PIKFYVE: variants seen among roughly 807,000 people sequenced by gnomAD.
PIKFYVE encodes phosphoinositide kinase, FYVE-type zinc finger containing, also known as 1-phosphatidylinositol 3-phosphate 5-kinase.
Under a neutral mutation model 257.9 loss-of-function variants are expected in PIKFYVE, and 122 were observed. The ratio of observed to expected loss-of-function variants is 0.47; its 90% CI spans 0.41 to 0.55. The LOEUF (loss-of-function observed/expected upper bound fraction) is 0.55. PIKFYVE is among the 20% of genes least tolerant of loss of function. The pLI is 0.00. For synonymous variants in PIKFYVE, 892 were observed against 868.9 expected (o/e 1.03, Z -0.47); for missense variants, 2,160 against 2,536.6 (o/e 0.85, Z 3.19).
In PIKFYVE at chr2:208,325,428, C is replaced by T; in HGVS notation, c.2617C>T (p.Leu873Phe). 1 of 1,614,162 alleles carries T rather than the reference C, an allele frequency of 6.2e-7. No homozygotes were observed. The highest frequency in any genetic ancestry group is 8.5e-7 in the Non-Finnish European group (1 of 1,180,028). ...TCATTCTCAACTAGAAATATCCTTTCTCATGGATGAATTTGCTATGCCTCC... is the reference window on the plus strand; with the variant it reads ...TCATTCTCAACTAGAAATATCCTTTTTCATGGATGAATTTGCTATGCCTCC... ...AYHSQLEISF[L>F]MDEFAMPPTL... Residue 873 changes from leucine to phenylalanine, a missense_variant, in exon 20 of 42, where the codon CTC (leucine) becomes TTC (phenylalanine). Leu to Phe is a conservative substitution (Grantham distance 22). Around this residue, in one of 12 missense-constraint regions of PIKFYVE, gnomAD observed 522 missense variants for 514.6 expected, o/e 1.01. Coordinates refer to ENST00000264380, the MANE Select transcript of PIKFYVE (RefSeq NM_015040.4).
At chr2:208,332,836 T>C (rs937983682) in intron 23 of PIKFYVE, among the ~76,000 whole-genome samples, 1 of 152,102 alleles carries the variant, frequency 6.6e-6, no homozygotes, top group Admixed American at 6.5e-5. Flanking sequence ...GGTGGATTTA[T>C]TGGTAATGCT....
At chr2:208,282,447 G>A (rs1170561700) in intron 5 of PIKFYVE, among the ~76,000 whole-genome samples, 1 of 152,214 alleles carries the variant, frequency 6.6e-6, no homozygotes, top group Non-Finnish European at 1.5e-5. Context: ...TTAACAATTG[G>A]TCAAGTTATT....
chr2:208,333,581 A>C, intron 24 of PIKFYVE, 88 bp downstream of exon 24: 1 of 1,409,880 alleles, frequency 7.1e-7, no homozygotes, highest in South Asian at 1.2e-5. Flanking sequence ...ACTAGATTGA[A>C]TTAATTTGTG....
intron 5 of PIKFYVE, among the ~76,000 whole-genome samples, chr2:208,285,486 T>C (rs955465169): frequency 1.3e-5 from 2 of 152,268 alleles, no homozygotes; most frequent in African/African-American, 4.8e-5. Flanking sequence ...TTTTTTTCTT[T>C]TAACTTCTAA....
intron 7 of PIKFYVE, among the ~76,000 whole-genome samples, chr2:208,295,555 A>C (rs1692858777): frequency 5.3e-5 from 8 of 152,162 alleles, no homozygotes; most frequent in Admixed American, 5.2e-4. Context: ...CCAGTTGTTT[A>C]GTAAAATGCC....
chr2:208,305,539 C>T (rs1694220996), intron 12 of PIKFYVE: 3 of 811,032 alleles, frequency 3.7e-6, no homozygotes, highest in Non-Finnish European at 4.5e-6. Flanking sequence ...AATTTCTTCT[C>T]TAATGTAAAA....
chr2:208,318,078 T>A, intron 16 of PIKFYVE, 137 bp downstream of exon 16: 1 of 923,074 alleles, frequency 1.1e-6, no homozygotes, highest in Middle Eastern at 2.1e-4. Flanking sequence ...GGGGTGAAAT[T>A]TGGTTGGTTC....
At chr2:208,352,045 A>G (rs1203781812) in intron 38 of PIKFYVE, among the ~76,000 whole-genome samples, 2 of 152,138 alleles carry the variant, frequency 1.3e-5, no homozygotes, top group African/African-American at 4.8e-5. Flanking sequence ...ATCTTAAACT[A>G]TATATTTCCT....
rs776970675 is a variant in PIKFYVE at position 208,302,342 on chromosome 2, A to G, written c.1309A>G (p.Arg437Gly). The G allele has an allele frequency of 1.2e-6, 2 of 1,613,734 alleles. No individual in the cohort carries two copies. The highest frequency in any genetic ancestry group is 1.1e-5 in the South Asian group (1 of 91,080). ...QLFRDEYALY[R>G]PLQSTEFSET... is the part of the protein sequence containing the mutation. ...TTTCAGAGATGAGTATGCGCTGTAT[A>G]GACCACTGCAGGTACTTTTCAGTGT... The change falls in exon 10 of 42, where the codon AGA (arginine) becomes GGA (glycine). Residue 437 changes from arginine (R) to glycine (G), a missense_variant. Physicochemically the swap from Arg to Gly is moderately radical, Grantham distance 125. Coordinates refer to ENST00000264380, the MANE Select transcript of PIKFYVE (RefSeq NM_015040.4).
intron 9 of PIKFYVE, 94 bp downstream of exon 9, chr2:208,301,188 G>C (rs1355477741): frequency 3.4e-6 from 5 of 1,464,818 alleles, no homozygotes; most frequent in Non-Finnish European, 4.7e-6. Context: ...TCTTTGTAGA[G>C]TTAGGGTGCT....
At chr2:208,341,550 T>G (rs1369594979) in intron 31 of PIKFYVE, among the ~76,000 whole-genome samples, 2 of 152,110 alleles carry the variant, frequency 1.3e-5, no homozygotes, top group African/African-American at 2.4e-5. Context: ...CAGCAGAAAT[T>G]TAATTCTTAC....
Position 208,324,861 on chromosome 2 carries a change from G to T in PIKFYVE, c.2332-50G>T, listed in dbSNP as rs115933097. On this transcript the variant is annotated intron_variant, in intron 18 of 41. Coordinates refer to ENST00000264380, the MANE Select transcript of PIKFYVE (RefSeq NM_015040.4). ...TACTTTTCCAGATTAAATTTACAAA[G>T]ATTTTTATTCTTCTCTAGTTTTGTA... 1.5e-3 allele frequency: 2,350 copies of T among 1,593,720 alleles called. 32 individuals are homozygous for T. In the African/African-American group the frequency reaches 0.028, roughly 19 times the overall value.
intron 32 of PIKFYVE, among the ~76,000 whole-genome samples, chr2:208,343,034 A>T (rs569631974): frequency 3.0e-4 from 45 of 152,150 alleles, no homozygotes; most frequent in African/African-American, 1.0e-3. Context: ...ACCTCAGGTG[A>T]TCCACCCACC....
chr2:208,314,430 C>T lies in PIKFYVE; in HGVS notation c.1826+7C>T. 6.2e-7 allele frequency: 1 copy of T among 1,612,818 alleles called. No individual in the cohort carries two copies. The highest frequency in any genetic ancestry group is 8.5e-7 in the Non-Finnish European group (1 of 1,179,334). ...AAGCCATGGAGAGGTTGCTGTAAGG[C>T]AATGAAATTTTTAATTTTAATTTTT... On this transcript the variant is annotated splice_region_variant and intron_variant, in intron 14 of 41. Transcript: ENST00000264380.
Position 208,329,856 on chromosome 2 carries a change from A to G in PIKFYVE, c.3734A>G (p.Glu1245Gly), listed in dbSNP as rs1386265830. 1 of 1,610,582 alleles carries G rather than the reference A, an allele frequency of 6.2e-7. No individual in the cohort carries two copies. The highest frequency in any genetic ancestry group is 1.3e-5 in the African/African-American group (1 of 74,828). ...CTCTTCTTTAGGATTGTAACAATGGAATTTTATGGAAAGAATGATCTTACA... is the reference window on the plus strand; with the variant it reads ...CTCTTCTTTAGGATTGTAACAATGGGATTTTATGGAAAGAATGATCTTACA... ...ACVSPWIVTM[E>G]FYGKNDLTLG... The change falls in exon 22 of 42, where the codon GAA becomes GGA. Residue 1245 changes from glutamate to glycine, a missense_variant. Transcript: ENST00000264380.
chr2:208,351,741 G>T (rs574010433), intron 38 of PIKFYVE, among the ~76,000 whole-genome samples: 1 of 152,284 alleles, frequency 6.6e-6, no homozygotes, highest in South Asian at 2.1e-4. Context: ...GAGCGGGGTT[G>T]GGGGTGGGGG....
chr2:208,298,875 G>T, intron 8 of PIKFYVE, 96 bp downstream of exon 8: 1 of 1,495,776 alleles, frequency 6.7e-7, no homozygotes. Context: ...CACGGTCTTG[G>T]TGTGCTGCCC....
In PIKFYVE at chr2:208,325,737, C is replaced by G. The variant is rs571446112; in HGVS notation, c.2926C>G (p.Pro976Ala). Residue 976 changes from proline to alanine, a missense_variant, in exon 20 of 42, where the codon CCG becomes GCG. Pro to Ala is a conservative substitution (Grantham distance 27, BLOSUM62 -1). Coordinates refer to ENST00000264380, the MANE Select transcript of PIKFYVE (RefSeq NM_015040.4). ...GLPCAFFAPV[P>A]ESLLPLPVDD... is the part of the protein sequence containing the mutation. ...CCCTTGTGCTTTCTTTGCACCTGTACCGGAATCATTGTTGCCACTCCCTGT... is the reference window on the plus strand; with the variant it reads ...CCCTTGTGCTTTCTTTGCACCTGTAGCGGAATCATTGTTGCCACTCCCTGT... The G allele has an allele frequency of 6.2e-7, 1 of 1,613,360 alleles. No individual in the cohort carries two copies. Among genetic ancestry groups the G allele is most frequent in the African/African-American group, 1.3e-5 (1 of 75,016 alleles).
chr2:208,354,305 G>T (rs1700022470), intron 40 of PIKFYVE, 146 bp downstream of exon 40: 1 of 1,099,414 alleles, frequency 9.1e-7, no homozygotes, highest in Non-Finnish European at 1.3e-6. Flanking sequence ...TTTTATTCTA[G>T]TCTCTTCTAC....
Sources: gnomAD v4.1 joint callset for allele counts (sites outside exome capture counted in the v4.1 genomes callset) on GRCh38, gnomAD v4.1.1 for gene constraint, gnomAD v4.1.1 regional missense constraint, MANE v1.5 for transcripts, NCBI Gene and HGNC (gene_info 2026-07-23, HGNC 2026-07-21) for gene names.